The following LZTS1 variants were observed in gnomAD, a reference collection of about 807,000 sequenced individuals.
The protein encoded by LZTS1 is leucine zipper tumor suppressor 1.
A neutral mutation model predicts 45.8 loss-of-function variants in LZTS1; 31 were observed. That is an observed-to-expected ratio of 0.68 (90% confidence interval 0.51 to 0.91). LZTS1 has a LOEUF of 0.91. Ranked by LOEUF, LZTS1 falls within the 40% of genes least tolerant of loss-of-function variation. The pLI is 0.00. For missense variants in LZTS1, 821 were observed against 788.9 expected (o/e 1.04, Z -0.49); for synonymous variants, 359 against 357.3 (o/e 1.00, Z -0.05).
intron 1 of LZTS1, among the ~76,000 whole-genome samples, chr8:20,270,944 A>G (rs139447753): frequency 2.6e-4 from 39 of 152,182 alleles, no homozygotes; most frequent in African/African-American, 9.2e-4. Context: ...CAGGAAGCAC[A>G]GCTCAGATTC....
Position 20,252,994 on chromosome 8 carries a change from CT to C in LZTS1, c.936del (p.Gly313AlafsTer41). 6.3e-7 allele frequency: 1 copy of C among 1,590,454 alleles called. No homozygotes were observed. ...GAGGCCTGCTTGAGCTTGTTGCCGC[CT>C]TTGGGCTCCGGGCCCTCCAGCTCGT... ...CRDELEGPEP[K>X]GGNKLKQASQ... On this transcript the variant is annotated frameshift_variant, in exon 3 of 4. Transcript: ENST00000381569. LOFTEE classifies it high-confidence loss of function.
At chr8:20,286,929 C>G (rs10098648) in intron 1 of LZTS1, among the ~76,000 whole-genome samples, 1 of 152,068 alleles carries the variant, frequency 6.6e-6, no homozygotes, top group African/African-American at 2.4e-5. Flanking sequence ...TGGGGAGCAG[C>G]AGGGATTAGC....
chr8:20,288,198 TC>T (rs1157998300), intron 1 of LZTS1, among the ~76,000 whole-genome samples: 1 of 151,950 alleles, frequency 6.6e-6, no homozygotes, highest in East Asian at 1.9e-4. Context: ...TCTCCCTCCC[TC>T]CCCCACACAG....
intron 1 of LZTS1, among the ~76,000 whole-genome samples, chr8:20,282,706 A>T (rs1222946867): frequency 1.3e-5 from 2 of 152,216 alleles, no homozygotes; most frequent in Non-Finnish European, 2.9e-5. Flanking sequence ...TCTATGTGCC[A>T]GTTGCACTCA....
Position 20,301,714 on chromosome 8 carries a change from A to C in LZTS1, c.-135+2026T>G, listed in dbSNP as rs148419582. On this transcript the variant is annotated intron_variant, in intron 1 of 3. Coordinates refer to ENST00000381569, the MANE Select transcript of LZTS1 (RefSeq NM_021020.5). ...ACTGAAAGGCACATCTTTCCCTCACACACTCCCAAAGCATTGGCTTTCCCC... is the reference window on the plus strand; with the variant it reads ...ACTGAAAGGCACATCTTTCCCTCACCCACTCCCAAAGCATTGGCTTTCCCC... 6.6e-5 allele frequency among the ~76,000 whole-genome samples: 10 copies of C among 152,050 alleles called. No individual in the cohort carries two copies. The East Asian group carries it at 1.9e-3, about 30-fold the overall frequency.
In LZTS1 at chr8:20,252,823, T is replaced by C. The variant is rs1157169381; in HGVS notation, c.1108A>G (p.Lys370Glu). The change falls in exon 3 of 4, where the codon AAG becomes GAG. Residue 370 changes from lysine (K) to glutamate (E), a missense_variant. Transcript: ENST00000381569. ...TCCAGCGCGGGGCCGAAGCTGGTCT[T>C]CTCCCTCTCGTAGGACCTGAGCTTG... Reference protein sequence around the residue: ...ETKLRSYEREKTSFGPALEET... With the variant: ...ETKLRSYEREETSFGPALEET... 2 of 1,550,398 alleles carry C rather than the reference T, an allele frequency of 1.3e-6. No individual in the cohort carries two copies. The highest frequency in any genetic ancestry group is 1.7e-6 in the Non-Finnish European group (2 of 1,147,854).
rs150552693 is a variant in LZTS1 at position 20,270,335 on chromosome 8, G to A, written c.-134-15020C>T. Among the ~76,000 whole-genome samples, 343 of 152,302 alleles carry A rather than the reference G, an allele frequency of 2.3e-3. 1 individual carries two copies. Among genetic ancestry groups the A allele is most frequent in the African/African-American group, 7.2e-3 (301 of 41,578 alleles). Reference sequence around the variant, plus strand: ...GGAAGAGCATTCTATGCTGAGAGGCGCTGCTACAAAAATACTCCCATCAGA... The same window carrying A: ...GGAAGAGCATTCTATGCTGAGAGGCACTGCTACAAAAATACTCCCATCAGA... On this transcript the variant is annotated intron_variant, in intron 1 of 3. Transcript: ENST00000381569.
chr8:20,279,216 T>C (rs1004018352), intron 1 of LZTS1, among the ~76,000 whole-genome samples: 1 of 152,216 alleles, frequency 6.6e-6, no homozygotes, highest in Non-Finnish European at 1.5e-5. Context: ...TCTTAGAGAA[T>C]TGATTTCATT....
intron 1 of LZTS1, among the ~76,000 whole-genome samples, chr8:20,267,736 C>T (rs908580866): frequency 1.3e-5 from 2 of 152,120 alleles, no homozygotes; most frequent in African/African-American, 4.8e-5. Flanking sequence ...AGGATGGTCT[C>T]GATCTCTTGA....
Position 20,250,038 on chromosome 8 carries a change from G to C in LZTS1, c.1475C>G (p.Thr492Ser). 3.1e-6 allele frequency: 5 copies of C among 1,610,002 alleles called. No homozygotes were observed. The highest frequency in any genetic ancestry group is 4.2e-6 in the Non-Finnish European group (5 of 1,179,178). ...CAGGGCAGGGACGTCCTCGGGGAAG[G>C]TGGGCGGCCCCATGTCGCGGGCCAG... The part of the protein sequence containing the change: ...AALARDMGPP[T>S]FPEDVPALQR... Residue 492 changes from threonine (T) to serine (S), a missense_variant, in exon 4 of 4, where the codon ACC becomes AGC. By Grantham distance (58) the Thr-to-Ser change is moderately conservative. Transcript: ENST00000381569.
intron 1 of LZTS1, among the ~76,000 whole-genome samples, chr8:20,255,628 G>C (rs908829864): frequency 6.6e-6 from 1 of 152,142 alleles, no homozygotes; most frequent in African/African-American, 2.4e-5. Flanking sequence ...GTATACTATA[G>C]CAAGTGGTAC....
intron 1 of LZTS1, among the ~76,000 whole-genome samples, chr8:20,294,812 G>C (rs1261085280): frequency 6.6e-6 from 1 of 152,002 alleles, no homozygotes; most frequent in African/African-American, 2.4e-5. Flanking sequence ...ATGGGAGACA[G>C]AGGGGAGGGC....
At chr8:20,271,787 A>C (rs999326226) in intron 1 of LZTS1, among the ~76,000 whole-genome samples, 1 of 152,214 alleles carries the variant, frequency 6.6e-6, no homozygotes, top group African/African-American at 2.4e-5. Context: ...TAAGAATTCA[A>C]ACCCAAGACT....
intron 1 of LZTS1, among the ~76,000 whole-genome samples, chr8:20,258,770 T>A (rs903717495): frequency 1.3e-5 from 2 of 152,236 alleles, no homozygotes; most frequent in Non-Finnish European, 2.9e-5. Flanking sequence ...TTACTTATAT[T>A]GTGACCATTG....
chr8:20,303,961 T>A lies in LZTS1; in HGVS notation c.-356A>T. 1 of 932,886 alleles carries A rather than the reference T, an allele frequency of 1.1e-6. No homozygotes were observed. The highest frequency in any genetic ancestry group is 1.3e-6 in the Non-Finnish European group (1 of 784,000). 57.8% of individuals were successfully genotyped at this position (932,886 alleles called of 1,614,324 possible). A position where few individuals can be genotyped will look rare whatever the true frequency, so the allele number is the denominator to read the frequency against. On this transcript the variant is annotated 5_prime_UTR_variant, in exon 1 of 4. Transcript: ENST00000381569. ...CGCCAGCTCCAGGCGCGCCGGCCTC[T>A]GCGCGGGTCCCGGAGCCGGGGCGGG...
chr8:20,297,307 G>A (rs894303527), intron 1 of LZTS1, among the ~76,000 whole-genome samples: 2 of 152,188 alleles, frequency 1.3e-5, no homozygotes, highest in Non-Finnish European at 2.9e-5. Flanking sequence ...CTTTTGAATT[G>A]ACAAGCTATA....
At chr8:20,267,253 T>G (rs1384593726) in intron 1 of LZTS1, among the ~76,000 whole-genome samples, 1 of 152,156 alleles carries the variant, frequency 6.6e-6, no homozygotes, top group Non-Finnish European at 1.5e-5. Context: ...TCCTCCTGCT[T>G]CTTTGTCCCC....
At position 20,269,890 on chromosome 8, in the gene LZTS1, G is replaced by A. The variant is rs114039828; in HGVS notation, c.-134-14575C>T. ...AGGGTCTTCCATGGAGGGAAGTGCA[G>A]CAGGTGCACGACTCTCCATTTCATG... On this transcript the variant is annotated intron_variant, in intron 1 of 3. Coordinates refer to ENST00000381569, the MANE Select transcript of LZTS1 (RefSeq NM_021020.5). 9.7e-3 allele frequency among the ~76,000 whole-genome samples: 1,473 copies of A among 152,298 alleles called. 19 individuals carry two copies. The highest frequency in any genetic ancestry group is 0.031 in the African/African-American group (1,299 of 41,564).
chr8:20,275,261 G>C (rs1055984373), intron 1 of LZTS1, among the ~76,000 whole-genome samples: 3 of 152,092 alleles, frequency 2.0e-5, no homozygotes, highest in Non-Finnish European at 4.4e-5. Flanking sequence ...AATTAGCTGG[G>C]TGTGGTGGCG....
Sources: gnomAD v4.1 joint callset for allele counts (sites outside exome capture counted in the v4.1 genomes callset) on GRCh38, gnomAD v4.1.1 for gene constraint, MANE v1.5 for transcripts, NCBI Gene and HGNC (gene_info 2026-07-23, HGNC 2026-07-21) for gene names.